NAALADL2: variants seen among roughly 807,000 people sequenced by gnomAD.
NAALADL2 encodes the protein inactive N-acetylated-alpha-linked acidic dipeptidase-like protein 2.
A neutral mutation model predicts 87.2 loss-of-function variants in NAALADL2; 76 were observed. The ratio of observed to expected loss-of-function variants is 0.87; its 90% CI spans 0.72 to 1.05. The LOEUF (loss-of-function observed/expected upper bound fraction) is 1.05, where lower values mean the gene tolerates loss of function less well. Ranked by LOEUF, NAALADL2 falls within the 50% of genes least tolerant of loss-of-function variation. The probability of loss-of-function intolerance (pLI) is 0.00; values close to 1 mark genes in which losing one functional copy is unlikely to be tolerated. For synonymous variants in NAALADL2, 354 were observed against 331.0 expected (o/e 1.07, Z -0.75); for missense variants, 1,089 against 945.8 (o/e 1.15, Z -1.99).
At chr3:175,313,076 C>T (rs1205534335) in intron 4 of NAALADL2, among the ~76,000 whole-genome samples, 2 of 152,136 alleles carry the variant, frequency 1.3e-5, no homozygotes, top group African/African-American at 2.4e-5. Flanking sequence ...AGGCCTTTCT[C>T]CTAGGCTCAG....
Position 175,314,698 on chromosome 3 carries a change from A to AGTTC in NAALADL2, c.940-9477_940-9476insGTTC, listed in dbSNP as rs1287705242. On this transcript the variant is annotated intron_variant, in intron 4 of 13. Coordinates refer to ENST00000454872, the MANE Select transcript of NAALADL2 (RefSeq NM_207015.3). ...TATATATATATATATATATATATAT[A>AGTTC]TATATATATATATATATATATATAG... Among the ~76,000 whole-genome samples the AGTTC allele has an allele frequency of 1.8e-3, 178 of 97,802 alleles. 1 individual carries two copies. The highest frequency in any genetic ancestry group is 6.6e-3 in the African/African-American group (173 of 26,180). 64.2% of individuals were successfully genotyped at this position (97,802 alleles called of 152,430 possible). A position where few individuals can be genotyped will look rare whatever the true frequency, so the allele number is the denominator to read the frequency against.
chr3:175,659,569 A>G (rs1731967882), intron 11 of NAALADL2, among the ~76,000 whole-genome samples: 1 of 152,218 alleles, frequency 6.6e-6, no homozygotes, highest in South Asian at 2.1e-4. Context: ...GATGAACAAA[A>G]GTAGGTCTTG....
intron 2 of NAALADL2, among the ~76,000 whole-genome samples, chr3:174,722,701 CAAAT>C (rs1731817287): frequency 1.3e-5 from 2 of 152,024 alleles, no homozygotes; most frequent in South Asian, 4.2e-4. Flanking sequence ...GACTTCATCC[CAAAT>C]AAATAATTAA....
At chr3:175,061,778 A>G (rs898813549) in intron 1 of NAALADL2, among the ~76,000 whole-genome samples, 42 of 149,628 alleles carry the variant, frequency 2.8e-4, no homozygotes, top group Admixed American at 1.3e-4. Context: ...AAAATTATAT[A>G]TTGTAGTAAA....
At chr3:175,334,958 C>T (rs1399020483) in intron 5 of NAALADL2, among the ~76,000 whole-genome samples, 1 of 152,058 alleles carries the variant, frequency 6.6e-6, no homozygotes, top group African/African-American at 2.4e-5. Context: ...TGTGCCTCCC[C>T]CAGAACGTTG....
At chr3:175,320,756 G>A (rs143034512) in intron 4 of NAALADL2, among the ~76,000 whole-genome samples, 6,831 of 152,052 alleles carry the variant, frequency 0.045, 190 homozygotes, top group Non-Finnish European at 0.064. Context: ...TAAATTCCTC[G>A]ACACATGCAC....
At chr3:175,346,338 T>G (rs1453943243) in intron 5 of NAALADL2, among the ~76,000 whole-genome samples, 2 of 152,036 alleles carry the variant, frequency 1.3e-5, no homozygotes, top group African/African-American at 4.8e-5. Context: ...TAAACACAAA[T>G]GCATGTACAA....
chr3:175,660,621 T>C (rs1732118496), intron 11 of NAALADL2, among the ~76,000 whole-genome samples: 1 of 152,124 alleles, frequency 6.6e-6, no homozygotes, highest in Admixed American at 6.5e-5. Flanking sequence ...TTTAACTAAC[T>C]GTATTTTTGT....
intron 5 of NAALADL2, among the ~76,000 whole-genome samples, chr3:175,330,870 G>C (rs1436754301): frequency 6.6e-6 from 1 of 152,118 alleles, no homozygotes; most frequent in African/African-American, 2.4e-5. Context: ...CAGAAAGTTG[G>C]CTGTTTGAAA....
intron 1 of NAALADL2, among the ~76,000 whole-genome samples, chr3:174,447,007 G>C (rs1439186818): frequency 6.6e-6 from 1 of 152,070 alleles, no homozygotes; most frequent in Non-Finnish European, 1.5e-5. Context: ...TAATAACAAG[G>C]TATCTTCAAG....
chr3:174,787,576 C>CATATATATAT (rs71300440), intron 3 of NAALADL2, among the ~76,000 whole-genome samples: 190 of 14,718 alleles, frequency 0.013, 14 homozygotes, highest in Non-Finnish European at 0.017. Context: ...AATATATCAT[C>CATATATATAT]ATATATATAT....
In NAALADL2 at chr3:175,803,278, C is replaced by A; in HGVS notation, c.*75C>A. Reference sequence around the variant, plus strand: ...GCTCTAATTTAACCAGATTTTCTGACATTGAAGGCTTATTTTCCCCAATGG... The same window carrying A: ...GCTCTAATTTAACCAGATTTTCTGAAATTGAAGGCTTATTTTCCCCAATGG... On this transcript the variant is annotated 3_prime_UTR_variant, in exon 14 of 14. Coordinates refer to ENST00000454872, the MANE Select transcript of NAALADL2 (RefSeq NM_207015.3). 1 of 1,049,426 alleles carries A rather than the reference C, an allele frequency of 9.5e-7. No homozygotes were observed. Among genetic ancestry groups the A allele is most frequent in the Non-Finnish European group, 1.4e-6 (1 of 738,154 alleles). 65.0% of individuals were successfully genotyped at this position (1,049,426 alleles called of 1,614,324 possible).
At chr3:175,777,258 G>T (rs973694918) in intron 13 of NAALADL2, among the ~76,000 whole-genome samples, 4 of 151,872 alleles carry the variant, frequency 2.6e-5, no homozygotes, top group African/African-American at 9.7e-5. Context: ...TTAAGATATT[G>T]AAATTAAAAC....
At chr3:175,200,290 A>G (rs1739833314) in intron 2 of NAALADL2, among the ~76,000 whole-genome samples, 1 of 152,088 alleles carries the variant, frequency 6.6e-6, no homozygotes, top group Admixed American at 6.6e-5. Context: ...TCAATTTAGA[A>G]CCATGATGAT....
At chr3:174,943,605 AG>A (rs1579649224) in intron 1 of NAALADL2, among the ~76,000 whole-genome samples, 1 of 152,214 alleles carries the variant, frequency 6.6e-6, no homozygotes, top group East Asian at 1.9e-4. Flanking sequence ...TGTGGCCAAG[AG>A]TTTTTGCTTG....
intron 9 of NAALADL2, among the ~76,000 whole-genome samples, chr3:175,505,256 C>A (rs572403968): frequency 7.2e-6 from 1 of 138,776 alleles, no homozygotes; most frequent in South Asian, 2.3e-4. Context: ...AAAGCAAGAC[C>A]CTGTCTCGAG....
intron 2 of NAALADL2, among the ~76,000 whole-genome samples, chr3:174,625,007 G>T (rs756270145): frequency 1.4e-5 from 2 of 145,672 alleles, no homozygotes; most frequent in African/African-American, 2.5e-5. Context: ...GATCTAGAAT[G>T]ATCTAGATAA....
At chr3:174,983,720 C>G (rs528937256) in intron 1 of NAALADL2, among the ~76,000 whole-genome samples, 1 of 152,190 alleles carries the variant, frequency 6.6e-6, no homozygotes, top group Non-Finnish European at 1.5e-5. Flanking sequence ...GCCCCGACTC[C>G]TAATACCATT....
intron 4 of NAALADL2, among the ~76,000 whole-genome samples, chr3:175,281,436 C>CA (rs1159336213): frequency 6.6e-6 from 1 of 151,814 alleles, no homozygotes; most frequent in Non-Finnish European, 1.5e-5. Flanking sequence ...AACACCTTTG[C>CA]AATGTGTGTA....
Sources: allele counts gnomAD v4.1 joint callset (sites outside exome capture counted in the v4.1 genomes callset), GRCh38; gene constraint gnomAD v4.1.1; transcripts MANE v1.5; gene names NCBI Gene and HGNC (gene_info 2026-07-23, HGNC 2026-07-21).